The following MYRIP variants were observed in gnomAD, a reference collection of about 807,000 sequenced individuals.
The protein encoded by MYRIP is rab effector MyRIP.
A neutral mutation model predicts 98.0 loss-of-function variants in MYRIP; 49 were observed. That is an observed-to-expected ratio of 0.50 (90% CI 0.40 to 0.63). The LOEUF is 0.63. MYRIP is among the 30% of genes least tolerant of loss of function. The probability of loss-of-function intolerance (pLI) is 0.00; values close to 1 mark genes in which losing one functional copy is unlikely to be tolerated. For missense variants in MYRIP, 1,004 were observed against 1,058.2 expected (o/e 0.95, Z 0.71); for synonymous variants, 404 against 409.5 (o/e 0.99, Z 0.16).
intron 2 of MYRIP, among the ~76,000 whole-genome samples, chr3:39,927,025 C>T (rs746764894): frequency 4.6e-5 from 7 of 151,836 alleles, no homozygotes; most frequent in Non-Finnish European, 1.0e-4. Context: ...GTGTAGTTCT[C>T]CTTGAGAGAT....
At chr3:40,125,997 G>A (rs1222952030) in intron 3 of MYRIP, among the ~76,000 whole-genome samples, 1 of 152,144 alleles carries the variant, frequency 6.6e-6, no homozygotes, top group African/African-American at 2.4e-5. Context: ...TGATTGCTCT[G>A]ACTCTGTGCT....
intron 3 of MYRIP, among the ~76,000 whole-genome samples, chr3:40,131,747 C>G (rs1161666632): frequency 6.6e-6 from 1 of 152,126 alleles, no homozygotes; most frequent in African/African-American, 2.4e-5. Flanking sequence ...CTATTTATAG[C>G]TGTGTTTTTA....
chr3:40,016,634 T>A (rs531631248), intron 2 of MYRIP, among the ~76,000 whole-genome samples: 42 of 152,350 alleles, frequency 2.8e-4, no homozygotes, highest in African/African-American at 1.0e-3. Context: ...TTTTTCTCAC[T>A]GCTCCCCACC....
chr3:39,875,763 A>G (rs1259653004), intron 1 of MYRIP, among the ~76,000 whole-genome samples: 1 of 151,378 alleles, frequency 6.6e-6, no homozygotes, highest in Non-Finnish European at 1.5e-5. Flanking sequence ...ACTTCCAACT[A>G]TGTGGTCAAT....
intron 2 of MYRIP, among the ~76,000 whole-genome samples, chr3:39,918,116 C>G (rs943429485): frequency 1.3e-5 from 2 of 151,972 alleles, no homozygotes; most frequent in Non-Finnish European, 2.9e-5. Context: ...TTAGTAGAGA[C>G]GGGGTTTCAC....
chr3:40,112,461 T>C (rs1039851811), intron 3 of MYRIP, among the ~76,000 whole-genome samples: 32 of 152,198 alleles, frequency 2.1e-4, no homozygotes, highest in Non-Finnish European at 2.6e-4. Context: ...TAATTTCTAC[T>C]CTAGTAGAAG....
chr3:39,931,653 A>G (rs955047822), intron 2 of MYRIP, among the ~76,000 whole-genome samples: 9 of 152,092 alleles, frequency 5.9e-5, no homozygotes, highest in Non-Finnish European at 1.2e-4. Context: ...GTGATTTTTC[A>G]TATATGCCTT....
chr3:40,048,759 A>C (rs1947724844), intron 3 of MYRIP, among the ~76,000 whole-genome samples: 1 of 152,176 alleles, frequency 6.6e-6, no homozygotes, highest in African/African-American at 2.4e-5. Context: ...TATATTTTGC[A>C]TTAAAATGTA....
intron 4 of MYRIP, among the ~76,000 whole-genome samples, chr3:40,153,119 A>G (rs1354393982): frequency 6.6e-6 from 1 of 151,744 alleles, no homozygotes; most frequent in Non-Finnish European, 1.5e-5. Context: ...ACCCTGTCCA[A>G]AAAAAAAGCA....
At chr3:40,139,391 TG>T (rs951444846) in intron 3 of MYRIP, among the ~76,000 whole-genome samples, 5 of 152,226 alleles carry the variant, frequency 3.3e-5, no homozygotes, top group Non-Finnish European at 7.3e-5. Context: ...GAAGTTATGT[TG>T]TGCCCCTTTT....
intron 12 of MYRIP, among the ~76,000 whole-genome samples, chr3:40,243,571 G>A (rs986568056): frequency 6.6e-6 from 1 of 152,112 alleles, no homozygotes; most frequent in Admixed American, 6.5e-5. Context: ...TATATATGTT[G>A]ATTAAACCTC....
intron 12 of MYRIP, 152 bp downstream of exon 12, chr3:40,234,205 G>A (rs2125700702): frequency 1.2e-6 from 1 of 821,090 alleles, no homozygotes; most frequent in South Asian, 2.4e-5. Context: ...AGGACCTTAG[G>A]TTGGATTCCC....
At chr3:40,137,624 A>T (rs1949808426) in intron 3 of MYRIP, among the ~76,000 whole-genome samples, 1 of 152,244 alleles carries the variant, frequency 6.6e-6, no homozygotes, top group Non-Finnish European at 1.5e-5. Flanking sequence ...ACATCGATGC[A>T]AAAATCCTCA....
chr3:39,867,629 A>G (rs1942664134), intron 1 of MYRIP, among the ~76,000 whole-genome samples: 1 of 152,232 alleles, frequency 6.6e-6, no homozygotes, highest in Non-Finnish European at 1.5e-5. Context: ...GATGGCCATT[A>G]TCAAGAAACA....
chr3:39,942,862 T>C (rs1280651222), intron 2 of MYRIP, among the ~76,000 whole-genome samples: 1 of 152,166 alleles, frequency 6.6e-6, no homozygotes, highest in Non-Finnish European at 1.5e-5. Context: ...TCTATCTTTA[T>C]GAAATTCGCT....
intron 8 of MYRIP, chr3:40,174,447 C>T (rs1950701571): frequency 6.6e-6 from 1 of 152,208 alleles, no homozygotes; most frequent in African/African-American, 2.4e-5. Context: ...TGGGGAGCTG[C>T]CCCAAGCAAA....
intron 3 of MYRIP, among the ~76,000 whole-genome samples, chr3:40,055,708 T>A (rs1947871689): frequency 6.6e-6 from 1 of 152,148 alleles, no homozygotes; most frequent in Non-Finnish European, 1.5e-5. Flanking sequence ...ACTTTACTGT[T>A]TTCATATGTT....
intron 1 of MYRIP, among the ~76,000 whole-genome samples, chr3:39,885,618 TCG>T (rs1167444242): frequency 1.3e-5 from 2 of 152,074 alleles, no homozygotes; most frequent in African/African-American, 2.4e-5. Flanking sequence ...ATTCTCCCCG[TCG>T]CTTTCAGGTA....
Position 40,189,978 on chromosome 3 carries a change from G to A in MYRIP, c.1180G>A (p.Gly394Ser). The A allele has an allele frequency of 6.2e-7, 1 of 1,614,114 alleles. No homozygotes were observed. Among genetic ancestry groups the A allele is most frequent in the South Asian group, 1.1e-5 (1 of 91,084 alleles). Residue 394 changes from glycine to serine, a missense_variant, in exon 10 of 17, where the codon GGC becomes AGC. Physicochemically the swap from Gly to Ser is moderately conservative, Grantham distance 56. Around this residue, in one of 3 missense-constraint regions of MYRIP, gnomAD observed 880 missense variants for 907.7 expected, o/e 0.97. Coordinates refer to ENST00000302541, the MANE Select transcript of MYRIP (RefSeq NM_015460.4). ...TGTGGCATCTGCCTACGATGAGATG[G>A]GCTCCGATAGCGAGGAAGACTTTGA... ...SSVASAYDEM[G>S]SDSEEDFDWS... is the part of the protein sequence containing the mutation.
Sources: allele counts gnomAD v4.1 joint callset (sites outside exome capture counted in the v4.1 genomes callset), GRCh38; gene constraint gnomAD v4.1.1; regional missense constraint gnomAD v4.1.1; transcripts MANE v1.5; gene names NCBI Gene and HGNC (gene_info 2026-07-23, HGNC 2026-07-21).